DHRSX: variants seen among roughly 807,000 people sequenced by gnomAD.
DHRSX encodes the protein polyprenol dehydrogenase.
In DHRSX, 31 loss-of-function variants were observed where a neutral mutation model predicts 34.0. The observed-to-expected ratio is 0.91, with a 90% CI of 0.69 to 1.23. The LOEUF (loss-of-function observed/expected upper bound fraction) is 1.23. DHRSX is among the 50% of genes most tolerant of loss of function. DHRSX has a pLI of 0.00. For synonymous variants in DHRSX, 201 were observed against 183.8 expected (o/e 1.09, Z -0.76); for missense variants, 414 against 428.1 (o/e 0.97, Z 0.29).
At position 2,460,563 on chromosome X, in the gene DHRSX, C is replaced by T. The variant is rs757441532; in HGVS notation, c.110-35259G>A. 3.1e-3 allele frequency among the ~76,000 whole-genome samples: 470 copies of T among 150,216 alleles called. 2 individuals carry two copies. Among genetic ancestry groups the T allele is most frequent in the Middle Eastern group, 0.021 (6 of 290 alleles). ...CCTCCCAAGTAGCTGTGACCACACA[C>T]GTGTGCCACCACGTCTGGCTTTTTT... is the stretch of plus-strand genomic sequence containing the variant. On this transcript the variant is annotated intron_variant, in intron 1 of 6. Transcript: ENST00000334651.
chrX:2,352,551 T>A (rs1404063913), intron 3 of DHRSX, among the ~76,000 whole-genome samples: 1 of 152,146 alleles, frequency 6.6e-6, no homozygotes, highest in Non-Finnish European at 1.5e-5. Flanking sequence ...TCTTCAGACA[T>A]GCAGGATCAA....
intron 3 of DHRSX, among the ~76,000 whole-genome samples, chrX:2,331,436 GTTTTTT>G (rs1159991841): frequency 1.2e-3 from 114 of 94,622 alleles, no homozygotes; most frequent in African/African-American, 3.7e-3. Flanking sequence ...AGGTTTTTTG[GTTTTTT>G]TTTTTTTTTT....
At chrX:2,229,855 T>C (rs189268027) in intron 6 of DHRSX, among the ~76,000 whole-genome samples, 4,156 of 152,194 alleles carry the variant, frequency 0.027, 135 homozygotes, top group African/African-American at 0.084. Context: ...GGGATGTGTA[T>C]TGTATGAGTG....
intron 6 of DHRSX, among the ~76,000 whole-genome samples, chrX:2,240,021 G>A (rs1393080960): frequency 1.3e-5 from 2 of 151,718 alleles, no homozygotes; most frequent in Admixed American, 6.6e-5. Flanking sequence ...AGCTGGGCGC[G>A]GTGGCTCACG....
At chrX:2,351,999 CG>C (rs1484271927) in intron 3 of DHRSX, among the ~76,000 whole-genome samples, 5 of 152,118 alleles carry the variant, frequency 3.3e-5, no homozygotes, top group African/African-American at 1.2e-4. Flanking sequence ...GGGTTACAGG[CG>C]TGAGTCACCG....
intron 4 of DHRSX, among the ~76,000 whole-genome samples, chrX:2,287,740 G>T (rs1048944989): frequency 1.3e-5 from 2 of 151,270 alleles, no homozygotes; most frequent in African/African-American, 4.9e-5. Flanking sequence ...TAGCCCCAAA[G>T]ATGTTCACAT....
intron 3 of DHRSX, among the ~76,000 whole-genome samples, chrX:2,355,247 C>T (rs1332095954): frequency 1.2e-4 from 18 of 152,202 alleles, no homozygotes; most frequent in African/African-American, 3.6e-4. Flanking sequence ...CACAATGGCT[C>T]GCACCTGGAA....
chrX:2,263,674 T>G (rs1569481436), intron 5 of DHRSX, among the ~76,000 whole-genome samples: 1 of 151,588 alleles, frequency 6.6e-6, no homozygotes, highest in African/African-American at 2.4e-5. Flanking sequence ...CCACCACGCC[T>G]GGCTAATTTT....
At chrX:2,353,677 G>A (rs1458939129) in intron 3 of DHRSX, among the ~76,000 whole-genome samples, 1 of 149,586 alleles carries the variant, frequency 6.7e-6, no homozygotes, top group Non-Finnish European at 1.5e-5. Flanking sequence ...TCCGCCTCCC[G>A]GGTTCAAGCG....
chrX:2,492,025 T>C (rs2045162160), intron 1 of DHRSX, among the ~76,000 whole-genome samples: 1 of 152,072 alleles, frequency 6.6e-6, no homozygotes, highest in Non-Finnish European at 1.5e-5. Flanking sequence ...CTCAGGAGGG[T>C]AAATATCAAA....
chrX:2,234,542 G>C (rs1376668927), intron 6 of DHRSX, among the ~76,000 whole-genome samples: 1 of 152,234 alleles, frequency 6.6e-6, no homozygotes, highest in Non-Finnish European at 1.5e-5. Context: ...GAACAGCAAA[G>C]ATATGCAATC....
intron 1 of DHRSX, among the ~76,000 whole-genome samples, chrX:2,464,040 G>C (rs1256028355): frequency 6.6e-6 from 1 of 151,982 alleles, no homozygotes; most frequent in African/African-American, 2.4e-5. Context: ...GTACACACTG[G>C]AGACGTTCCC....
intron 1 of DHRSX, among the ~76,000 whole-genome samples, chrX:2,460,353 G>T (rs1290245810): frequency 6.6e-6 from 1 of 152,072 alleles, no homozygotes; most frequent in African/African-American, 2.4e-5. Flanking sequence ...TCCAAAAATA[G>T]CCCAGCTGGG....
intron 1 of DHRSX, among the ~76,000 whole-genome samples, chrX:2,449,923 A>G (rs191363123): frequency 0.027 from 4,067 of 152,246 alleles, 89 homozygotes; most frequent in Admixed American, 0.055. Flanking sequence ...GTGAGCCACC[A>G]CGCCTGGCCA....
At chrX:2,428,405 T>C (rs1419050701) in intron 1 of DHRSX, among the ~76,000 whole-genome samples, 1 of 151,864 alleles carries the variant, frequency 6.6e-6, no homozygotes, top group African/African-American at 2.4e-5. Flanking sequence ...ATAAAGAAAA[T>C]GTGGCACATG....
chrX:2,306,639 G>A (rs2042100525), intron 3 of DHRSX, among the ~76,000 whole-genome samples: 1 of 152,012 alleles, frequency 6.6e-6, no homozygotes, highest in Non-Finnish European at 1.5e-5. Context: ...TTGTAGTAGA[G>A]ACAAGGTTTC....
At chrX:2,325,435 G>A (rs993628259) in intron 3 of DHRSX, among the ~76,000 whole-genome samples, 14 of 152,142 alleles carry the variant, frequency 9.2e-5, no homozygotes, top group Non-Finnish European at 1.3e-4. Flanking sequence ...CTTCCCAGCA[G>A]GAACTAGAGA....
At chrX:2,335,846 T>G (rs2042553082) in intron 3 of DHRSX, among the ~76,000 whole-genome samples, 1 of 151,900 alleles carries the variant, frequency 6.6e-6, no homozygotes, top group Admixed American at 6.6e-5. Flanking sequence ...GACCCCAAGA[T>G]TTTCCTTTCA....
At position 2,220,873 on chromosome X, in the gene DHRSX, G is replaced by T; in HGVS notation, c.*168C>A. The stretch of plus-strand genomic sequence containing the variant: ...TGATTATCCTCCAAAATGTTTATTT[G>T]GCTTCTTGAAGTTCTGCAGAGGTTG... On this transcript the variant is annotated 3_prime_UTR_variant, in exon 7 of 7. Coordinates refer to ENST00000334651, the MANE Select transcript of DHRSX (RefSeq NM_145177.3). 1 of 579,454 alleles carries T rather than the reference G, an allele frequency of 1.7e-6. No individual in the cohort carries two copies. The highest frequency in any genetic ancestry group is 1.8e-5 in the African/African-American group (1 of 54,054). 35.9% of individuals were successfully genotyped at this position (579,454 alleles called of 1,614,324 possible). A position where few individuals can be genotyped will look rare whatever the true frequency, so the allele number is the denominator to read the frequency against.
Sources: gnomAD v4.1 joint callset for allele counts (sites outside exome capture counted in the v4.1 genomes callset) on GRCh38, gnomAD v4.1.1 for gene constraint, MANE v1.5 for transcripts, NCBI Gene and HGNC (gene_info 2026-07-23, HGNC 2026-07-21) for gene names.